Variants in KIF9 observed in about 807,000 individuals in gnomAD.
KIF9 encodes kinesin family member 9, also known as kinesin-like protein KIF9.
A neutral mutation model predicts 94.8 loss-of-function variants in KIF9; 68 were observed. That is an observed-to-expected ratio of 0.72 (90% CI 0.59 to 0.88). The LOEUF (loss-of-function observed/expected upper bound fraction) is 0.88, where lower values mean the gene tolerates loss of function less well. Ranked by LOEUF, KIF9 falls within the 40% of genes least tolerant of loss-of-function variation. The pLI is 0.00. For synonymous variants in KIF9, 343 were observed against 362.1 expected, an observed-to-expected ratio of 0.95 and a Z score of 0.60; for missense variants, 882 against 982.5, an observed-to-expected ratio of 0.90 and a Z score of 1.37.
intron 16 of KIF9, 128 bp from the exon 17 acceptor site, chr3:47,241,143 A>C: frequency 1.4e-6 from 1 of 733,300 alleles, no homozygotes; most frequent in East Asian, 2.5e-5. Flanking sequence ...CACCTACCCA[A>C]GACAGGAGCT....
chr3:47,245,564 C>A (rs1699867905), intron 13 of KIF9, 53 bp from the exon 14 acceptor site: 1 of 1,396,464 alleles, frequency 7.2e-7, no homozygotes, highest in Non-Finnish European at 1.0e-6. Context: ...GCTGAATCCA[C>A]TGGGGCAAGA....
At chr3:47,238,528 T>C (rs2088135) in intron 17 of KIF9, 51,092 of 151,802 alleles carry the variant, frequency 0.34, 8,950 homozygotes, top group Middle Eastern at 0.46. Flanking sequence ...CTAGGAGATA[T>C]GAGTTTACTT....
At chr3:47,276,156 T>C (rs1238071701) in intron 2 of KIF9, among the ~76,000 whole-genome samples, 1 of 152,184 alleles carries the variant, frequency 6.6e-6, no homozygotes, top group African/African-American at 2.4e-5. Context: ...TAGATTCCAA[T>C]CTTCTTGATG....
At chr3:47,238,359 G>A (rs886269450) in intron 17 of KIF9, 3 of 152,128 alleles carry the variant, frequency 2.0e-5, no homozygotes, top group African/African-American at 7.2e-5. Context: ...TGAGACTATA[G>A]CCATGTGCCA....
intron 19 of KIF9, 74 bp from the exon 20 acceptor site, chr3:47,235,691 C>A (rs1698970533): frequency 8.2e-7 from 1 of 1,224,842 alleles, no homozygotes; most frequent in Non-Finnish European, 1.2e-6. Context: ...TGCATCAGGG[C>A]AGTCCCTTGC....
chr3:47,238,401 T>TA (rs1253387591), intron 17 of KIF9: 2 of 152,172 alleles, frequency 1.3e-5, no homozygotes, highest in Non-Finnish European at 2.9e-5. Context: ...TGTTTTTTTG[T>TA]AGAGACGGGG....
chr3:47,268,512 T>C (rs1701433992), intron 5 of KIF9, among the ~76,000 whole-genome samples: 1 of 152,072 alleles, frequency 6.6e-6, no homozygotes, highest in African/African-American at 2.4e-5. Flanking sequence ...GGCTATAGTC[T>C]ATGGTCAGGC....
intron 9 of KIF9, among the ~76,000 whole-genome samples, chr3:47,259,175 G>A (rs1014247700): frequency 9.9e-5 from 15 of 152,218 alleles, no homozygotes; most frequent in Non-Finnish European, 8.8e-5. Flanking sequence ...GCTCTGGGGC[G>A]TGACCGATCT....
At chr3:47,253,927 TA>T (rs1249712299) in intron 10 of KIF9, among the ~76,000 whole-genome samples, 1 of 152,252 alleles carries the variant, frequency 6.6e-6, no homozygotes, top group African/African-American at 2.4e-5. Flanking sequence ...CTTGTTTTAA[TA>T]GTGACCTATA....
intron 17 of KIF9, 34 bp from the exon 18 acceptor site, chr3:47,236,653 A>C: frequency 6.2e-7 from 1 of 1,602,778 alleles, no homozygotes; most frequent in Non-Finnish European, 8.5e-7. Flanking sequence ...GGAAATGAGG[A>C]GGTGTCCACC....
chr3:47,230,680 A>G (rs1025332642), intron 20 of KIF9, among the ~76,000 whole-genome samples: 1 of 151,110 alleles, frequency 6.6e-6, no homozygotes, highest in Non-Finnish European at 1.5e-5. Flanking sequence ...GCAGTGAGCC[A>G]AGATCACACC....
intron 11 of KIF9, among the ~76,000 whole-genome samples, chr3:47,247,784 C>T (rs1002352767): frequency 6.6e-6 from 1 of 152,152 alleles, no homozygotes; most frequent in East Asian, 1.9e-4. Flanking sequence ...AAGGCGAGGA[C>T]GGGAGGCATG....
At chr3:47,282,261 G>C (rs1344052604) in intron 1 of KIF9, 10 of 985,418 alleles carry the variant, frequency 1.0e-5, no homozygotes, top group South Asian at 4.7e-5. Context: ...TCCTGGACGC[G>C]ACGTGGGACC....
intron 3 of KIF9, 32 bp downstream of exon 3, chr3:47,275,293 T>C (rs1472682489): frequency 2.6e-6 from 4 of 1,527,078 alleles, no homozygotes; most frequent in Non-Finnish European, 2.7e-6. Flanking sequence ...CTCAGGTTCT[T>C]ACATAAGACA....
chr3:47,245,197 G>A, intron 14 of KIF9: 1 of 599,428 alleles, frequency 1.7e-6, no homozygotes, highest in South Asian at 2.1e-5. Flanking sequence ...CTAATTCCAG[G>A]AAATCGTCTT....
At chr3:47,232,154 T>C (rs983984446) in intron 20 of KIF9, among the ~76,000 whole-genome samples, 1 of 152,182 alleles carries the variant, frequency 6.6e-6, no homozygotes, top group Admixed American at 6.5e-5. Context: ...ACTTCTGCTG[T>C]GTGAGGACAC....
rs147140971 is a variant in KIF9, at chr3:47,277,993, AGT to A, written c.-5-616_-5-615del. 1.0e-3 allele frequency among the ~76,000 whole-genome samples: 150 copies of A among 150,088 alleles called. 1 individual carries two copies. The highest frequency in any genetic ancestry group is 7.2e-3 in the South Asian group (34 of 4,738). On this transcript the variant is annotated intron_variant, in intron 1 of 20. Coordinates refer to ENST00000684063, the MANE Select transcript of KIF9 (RefSeq NM_182902.4). The stretch of plus-strand genomic sequence containing the variant: ...AACTATATTCTCATCATTTTCTTTC[AGT>A]GTGTGTGTGTGTGTGTATGCGTGTG...
rs373347525 is a variant in KIF9, at chr3:47,236,465, C to T, written c.2079G>A (p.Gln693=). ...EIQYCQHLVD[Q]CRHRLLMEFD... ...CACCCATGAGCAGGCGGTGGCGACA[C>T]TGATCCACTAGGTGCTGGCAATACT... Residue 693 remains glutamine, a synonymous_variant, in exon 18 of 21, where the codon CAG becomes CAA. Coordinates refer to ENST00000684063, the MANE Select transcript of KIF9 (RefSeq NM_182902.4). The T allele has an allele frequency of 8.7e-6, 14 of 1,613,426 alleles. No homozygotes were observed. The highest frequency in any genetic ancestry group is 1.1e-5 in the Non-Finnish European group (13 of 1,180,036).
chr3:47,256,969 C>A (rs545121937), intron 10 of KIF9, among the ~76,000 whole-genome samples: 10 of 152,012 alleles, frequency 6.6e-5, no homozygotes, highest in African/African-American at 2.2e-4. Flanking sequence ...GTCATCACCA[C>A]TCCCTAATCT....
Sources: allele counts gnomAD v4.1 joint callset (sites outside exome capture counted in the v4.1 genomes callset), GRCh38; gene constraint gnomAD v4.1.1; transcripts MANE v1.5; gene names NCBI Gene and HGNC (gene_info 2026-07-23, HGNC 2026-07-21).